The following CTNNA2 variants were observed in gnomAD, a reference collection of about 807,000 sequenced individuals.
CTNNA2 encodes catenin alpha 2.
In CTNNA2, 42 loss-of-function variants were observed where a neutral mutation model predicts 101.0. The ratio of observed to expected loss-of-function variants is 0.42; its 90% CI spans 0.32 to 0.54. CTNNA2 has a LOEUF of 0.54. Ranked by LOEUF, CTNNA2 falls within the 20% of genes least tolerant of loss-of-function variation. The pLI is 0.14. For missense variants in CTNNA2, 871 were observed against 1,223.1 expected (o/e 0.71, Z 4.29); for synonymous variants, 450 against 456.4 (o/e 0.99, Z 0.18).
intron 9 of CTNNA2, among the ~76,000 whole-genome samples, chr2:80,426,024 A>G (rs1225191110): frequency 6.6e-6 from 1 of 152,178 alleles, no homozygotes; most frequent in Non-Finnish European, 1.5e-5. Context: ...TTAGAATTTA[A>G]CAGGTCAACT....
intron 7 of CTNNA2, among the ~76,000 whole-genome samples, chr2:80,139,834 G>A (rs1702899482): frequency 6.6e-6 from 1 of 152,310 alleles, no homozygotes; most frequent in East Asian, 1.9e-4. Context: ...AGGTACTGCT[G>A]TGAAGAAAGC....
chr2:79,754,557 T>C (rs184377756), intron 3 of CTNNA2, among the ~76,000 whole-genome samples: 1 of 152,234 alleles, frequency 6.6e-6, no homozygotes, highest in East Asian at 1.9e-4. Context: ...TTCTCGCTCC[T>C]GCAGCACTTT....
At chr2:79,480,661 G>A (rs1487229095) in intron 4 of CTNNA2, among the ~76,000 whole-genome samples, 2 of 151,794 alleles carry the variant, frequency 1.3e-5, no homozygotes, top group South Asian at 2.1e-4. Context: ...CTCTTTGTTA[G>A]CAATATCCAT....
At chr2:79,884,296 A>G (rs370748272) in intron 6 of CTNNA2, among the ~76,000 whole-genome samples, 1 of 152,074 alleles carries the variant, frequency 6.6e-6, no homozygotes, top group Non-Finnish European at 1.5e-5. Flanking sequence ...AATTCTAACA[A>G]CCTAAAAAGA....
At chr2:80,520,849 A>G (rs941803378) in intron 9 of CTNNA2, among the ~76,000 whole-genome samples, 2 of 152,184 alleles carry the variant, frequency 1.3e-5, no homozygotes, top group African/African-American at 4.8e-5. Flanking sequence ...ATTGGCCTAC[A>G]CTGCCAGAGT....
chr2:80,585,636 G>C (rs62151963), intron 14 of CTNNA2, among the ~76,000 whole-genome samples: 4,657 of 152,182 alleles, frequency 0.031, 89 homozygotes, highest in African/African-American at 0.04. Flanking sequence ...AATGTAGCTG[G>C]CTTCTATTTT....
At chr2:79,200,328 G>A (rs1674018398) in intron 2 of CTNNA2, among the ~76,000 whole-genome samples, 1 of 151,300 alleles carries the variant, frequency 6.6e-6, no homozygotes, top group Non-Finnish European at 1.5e-5. Flanking sequence ...AGGTTGCAGT[G>A]AGCCGAGATT....
In CTNNA2 at chr2:80,243,050, G is replaced by A. The variant is rs1054561269; in HGVS notation, c.1057-150161G>A. Among the ~76,000 whole-genome samples the A allele has an allele frequency of 5.9e-5, 9 of 152,128 alleles. No individual in the cohort carries two copies. In the East Asian group the frequency reaches 7.7e-4, roughly 13 times the overall value. The stretch of plus-strand genomic sequence containing the variant: ...GCTAGAGGGTGACTCCACAAGTATC[G>A]GTCAGGTTGTTTAGAGAAGAGACCA... On this transcript the variant is annotated intron_variant, in intron 7 of 18. Coordinates refer to ENST00000402739, the MANE Select transcript of CTNNA2 (RefSeq NM_001282597.3).
chr2:80,402,561 C>G (rs905013163), intron 8 of CTNNA2, among the ~76,000 whole-genome samples: 2 of 151,866 alleles, frequency 1.3e-5, no homozygotes, highest in Admixed American at 6.6e-5. Flanking sequence ...GAAGCTGTTT[C>G]CAATGTTACC....
At chr2:79,909,388 T>C (rs576441054) in intron 6 of CTNNA2, among the ~76,000 whole-genome samples, 1 of 152,354 alleles carries the variant, frequency 6.6e-6, no homozygotes, top group African/African-American at 2.4e-5. Context: ...AAATAAGATG[T>C]GCTCTTTTAG....
rs76954554 is a variant in CTNNA2 at position 80,603,043 on chromosome 2, C to A, written c.2190-1031C>A. On this transcript the variant is annotated intron_variant, in intron 15 of 18. Transcript: ENST00000402739. The stretch of plus-strand genomic sequence containing the variant: ...ATTGCCCTCTCTGTATAACCCTACA[C>A]GGTCTGAATAAATCCCTTCTGAATA... Among the ~76,000 whole-genome samples the A allele has an allele frequency of 1.8e-3, 275 of 152,138 alleles. 1 individual carries two copies. Among genetic ancestry groups the A allele is most frequent in the African/African-American group, 6.5e-3 (269 of 41,554 alleles).
intron 2 of CTNNA2, among the ~76,000 whole-genome samples, chr2:79,204,412 TG>T (rs1464136333): frequency 2.0e-5 from 3 of 152,230 alleles, no homozygotes; most frequent in Admixed American, 2.0e-4. Flanking sequence ...TATGGATTTG[TG>T]TGCCAATTTC....
intron 9 of CTNNA2, among the ~76,000 whole-genome samples, chr2:80,510,764 G>T (rs77603010): frequency 6.6e-6 from 1 of 152,160 alleles, no homozygotes; most frequent in Admixed American, 6.5e-5. Context: ...TCCTTGTGAC[G>T]TGAGAGTTAT....
At chr2:79,332,350 A>C (rs1386657283) in intron 3 of CTNNA2, among the ~76,000 whole-genome samples, 2 of 152,104 alleles carry the variant, frequency 1.3e-5, no homozygotes, top group East Asian at 3.9e-4. Context: ...TAAGCAATGT[A>C]ATCAGTAAGA....
chr2:79,436,133 A>T (rs529165601), intron 4 of CTNNA2, among the ~76,000 whole-genome samples: 1 of 152,290 alleles, frequency 6.6e-6, no homozygotes, highest in Non-Finnish European at 1.5e-5. Context: ...CGTAATCTCA[A>T]GATTGAGCAA....
At chr2:79,769,011 C>T (rs947375271) in intron 3 of CTNNA2, among the ~76,000 whole-genome samples, 42 of 152,174 alleles carry the variant, frequency 2.8e-4, no homozygotes, top group African/African-American at 8.4e-4. Flanking sequence ...CCCGCCACCA[C>T]GCCTGGCTAA....
chr2:80,539,450 A>G (rs901175324), intron 9 of CTNNA2, among the ~76,000 whole-genome samples: 38 of 151,830 alleles, frequency 2.5e-4, no homozygotes, highest in African/African-American at 8.2e-4. Context: ...GAGCATCTAG[A>G]AAGTAGTGCT....
rs1191816698 is a variant in CTNNA2 at position 80,302,635 on chromosome 2, C to T, written c.1057-90576C>T. The T allele has an allele frequency of 6.2e-7, 1 of 1,607,192 alleles. No homozygotes were observed. The highest frequency in any genetic ancestry group is 8.5e-7 in the Non-Finnish European group (1 of 1,178,416). On this transcript the variant is annotated intron_variant, in intron 7 of 18. Coordinates refer to ENST00000402739, the MANE Select transcript of CTNNA2 (RefSeq NM_001282597.3). This position sits in a 1 kb window ranked among gnomAD's most constrained non-coding sequence, Gnocchi z 6.4. ...CGTCGTGCTGCCCCTCCCCGCCGTC[C>T]GCGAGCGTGGTGGCCGAGCTGGCAG... is the stretch of plus-strand genomic sequence containing the variant.
intron 12 of CTNNA2, among the ~76,000 whole-genome samples, chr2:80,565,600 G>GAAAC (rs58571228): frequency 0.94 from 142,647 of 151,356 alleles, 67,320 homozygotes; most frequent in Non-Finnish European, 0.97. Flanking sequence ...TTGCCTGGTA[G>GAAAC]AAACAGTGTG....
Sources: gnomAD v4.1 joint callset for allele counts (sites outside exome capture counted in the v4.1 genomes callset) on GRCh38, gnomAD v4.1.1 for gene constraint, Gnocchi (gnomAD v3.1) non-coding constraint, MANE v1.5 for transcripts, NCBI Gene and HGNC (gene_info 2026-07-23, HGNC 2026-07-21) for gene names.